Variants in ITK observed in about 807,000 individuals in gnomAD.
The protein encoded by ITK is IL2 inducible T cell kinase.
A neutral mutation model predicts 87.6 loss-of-function variants in ITK; 45 were observed. The ratio of observed to expected loss-of-function variants is 0.51; its 90% CI spans 0.40 to 0.66. The LOEUF is 0.66. Ranked by LOEUF, ITK falls within the 30% of genes least tolerant of loss-of-function variation. The pLI, the probability that ITK is intolerant of heterozygous loss-of-function variation, is 0.00. For synonymous variants in ITK, 303 were observed against 273.6 expected, an observed-to-expected ratio of 1.11 and a Z score of -1.06; for missense variants, 605 against 766.3, an observed-to-expected ratio of 0.79 and a Z score of 2.48.
At chr5:157,241,539 T>C in intron 10 of ITK, 107 bp from the exon 11 acceptor site, 1 of 789,942 alleles carries the variant, frequency 1.3e-6, no homozygotes, top group Non-Finnish European at 2.2e-6. Flanking sequence ...CAGAATAAAA[T>C]TAGCTTTTGC....
intron 1 of ITK, among the ~76,000 whole-genome samples, chr5:157,194,524 C>A (rs992995264): frequency 6.6e-6 from 1 of 152,138 alleles, no homozygotes; most frequent in Non-Finnish European, 1.5e-5. Context: ...ATTAGCCTAG[C>A]GAAGTGACCC....
intron 6 of ITK, among the ~76,000 whole-genome samples, chr5:157,223,401 G>A (rs1214708321): frequency 6.6e-6 from 1 of 151,752 alleles, no homozygotes; most frequent in Non-Finnish European, 1.5e-5. Flanking sequence ...GCTTATTTTT[G>A]GTGAAAAGAA....
chr5:157,189,080 G>A (rs1338537677), intron 1 of ITK, among the ~76,000 whole-genome samples: 1 of 152,158 alleles, frequency 6.6e-6, no homozygotes, highest in East Asian at 1.9e-4. Context: ...TGTGGGCCTT[G>A]TCTAGCCACA....
chr5:157,215,888 T>G (rs1754288116), intron 4 of ITK, among the ~76,000 whole-genome samples: 1 of 152,194 alleles, frequency 6.6e-6, no homozygotes, highest in South Asian at 2.1e-4. Context: ...GGGGCGCAAG[T>G]ATTTCCCTCC....
At chr5:157,223,306 A>C (rs1754464249) in intron 6 of ITK, among the ~76,000 whole-genome samples, 1 of 152,086 alleles carries the variant, frequency 6.6e-6, no homozygotes. Context: ...TGACATCTAC[A>C]ATTTGGGAGC....
chr5:157,204,781 G>A (rs935602195), intron 1 of ITK, among the ~76,000 whole-genome samples: 1 of 152,110 alleles, frequency 6.6e-6, no homozygotes, highest in African/African-American at 2.4e-5. Flanking sequence ...GTTTTCATTT[G>A]TCACAAAAAA....
chr5:157,236,273 G>T (rs1754774148), intron 8 of ITK, among the ~76,000 whole-genome samples: 1 of 151,980 alleles, frequency 6.6e-6, no homozygotes, highest in African/African-American at 2.4e-5. Flanking sequence ...TACTTGGAAA[G>T]TTGAAGGAAG....
At chr5:157,213,388 A>G (rs1754231552) in intron 3 of ITK, among the ~76,000 whole-genome samples, 1 of 152,144 alleles carries the variant, frequency 6.6e-6, no homozygotes. Flanking sequence ...CACAGAGCCA[A>G]ACGATATCAG....
intron 9 of ITK, 66 bp from the exon 10 acceptor site, chr5:157,239,996 G>A (rs191267011): frequency 5.3e-4 from 791 of 1,504,660 alleles, no homozygotes; most frequent in Non-Finnish European, 6.7e-4. Flanking sequence ...CTTAATACTC[G>A]TAGACTTTTT....
chr5:157,212,412 A>T (rs1309974060), intron 3 of ITK, among the ~76,000 whole-genome samples: 3 of 152,224 alleles, frequency 2.0e-5, no homozygotes, highest in Admixed American at 6.5e-5. Flanking sequence ...GTTGTATCTT[A>T]TCCCGAGGTT....
intron 1 of ITK, among the ~76,000 whole-genome samples, chr5:157,186,292 C>A (rs75915023): frequency 1.3e-5 from 2 of 151,932 alleles, no homozygotes; most frequent in East Asian, 3.9e-4. Context: ...TATTTTAGGA[C>A]CTCTACGTTT....
chr5:157,219,024 A>G (rs1448950166), intron 5 of ITK, among the ~76,000 whole-genome samples: 2 of 152,018 alleles, frequency 1.3e-5, no homozygotes. Context: ...AGATGAAAAA[A>G]AAAAGATGGG....
In ITK at chr5:157,224,928, TA is replaced by T. The variant is rs550430388; in HGVS notation, c.647+1915del. Among the ~76,000 whole-genome samples the T allele has an allele frequency of 3.7e-3, 564 of 152,002 alleles. 2 individuals are homozygous for T. The highest frequency in any genetic ancestry group is 0.013 in the African/African-American group (528 of 41,432). On this transcript the variant is annotated intron_variant, in intron 6 of 16. Transcript: ENST00000422843. ...AAACAAGGCTTTAATGAAGATCTTG[TA>T]TTCATGTATCTTGGCCATCTTTGGA...
intron 1 of ITK, among the ~76,000 whole-genome samples, chr5:157,201,159 T>G (rs540692735): frequency 6.6e-6 from 1 of 152,088 alleles, no homozygotes; most frequent in South Asian, 2.1e-4. Flanking sequence ...CTCTTTGTGA[T>G]AAAACCCCCA....
At chr5:157,245,625 C>T in intron 13 of ITK, 101 bp from the exon 14 acceptor site, 1 of 907,850 alleles carries the variant, frequency 1.1e-6, no homozygotes, top group Non-Finnish European at 1.8e-6. Flanking sequence ...TATGACAGCA[C>T]TGCAGTAAAG....
intron 7 of ITK, among the ~76,000 whole-genome samples, chr5:157,231,250 A>G (rs1754646125): frequency 6.6e-6 from 1 of 152,194 alleles, no homozygotes; most frequent in Admixed American, 6.5e-5. Flanking sequence ...AGGAAGGCAA[A>G]TCATGACTCT....
chr5:157,247,090 G>A (rs1027618842), intron 15 of ITK, among the ~76,000 whole-genome samples: 22 of 152,174 alleles, frequency 1.4e-4, no homozygotes, highest in Non-Finnish European at 2.4e-4. Context: ...TTGCCATTCG[G>A]TATGAAGGAA....
rs144690370 is a variant in ITK at position 157,225,409 on chromosome 5, A to G, written c.647+2395A>G. On this transcript the variant is annotated intron_variant, in intron 6 of 16. Transcript: ENST00000422843. The stretch of plus-strand genomic sequence containing the variant: ...AATTTACCTTCCTGCTAACAGAGTT[A>G]TGGAAGTGCCAAGACTGGGTATCAT... Among the ~76,000 whole-genome samples the G allele has an allele frequency of 5.0e-3, 763 of 152,226 alleles. 7 individuals are homozygous for G. The highest frequency in any genetic ancestry group is 0.018 in the African/African-American group (734 of 41,548).
chr5:157,198,740 CA>C lies in ITK; in HGVS notation c.139-10148del, dbSNP rs1462726183. Among the ~76,000 whole-genome samples, 3 of 152,136 alleles carry C rather than the reference CA, an allele frequency of 2.0e-5. No individual in the cohort carries two copies. The East Asian group carries it at 5.8e-4, about 29-fold the overall frequency. ...CAAGATGCTAATTTTTCCATAGAGA[CA>C]GTAATGAGCATATCTTTTTTGTTTT... On this transcript the variant is annotated intron_variant, in intron 1 of 16. Coordinates refer to ENST00000422843, the MANE Select transcript of ITK (RefSeq NM_005546.4).
Sources: gnomAD v4.1 joint callset for allele counts (sites outside exome capture counted in the v4.1 genomes callset) on GRCh38, gnomAD v4.1.1 for gene constraint, MANE v1.5 for transcripts, NCBI Gene and HGNC (gene_info 2026-07-23, HGNC 2026-07-21) for gene names.